Variants in TMEM263 observed in about 807,000 individuals in gnomAD.
The protein encoded by TMEM263 is transmembrane protein 263.
TMEM263 carries 5 observed loss-of-function variants against 8.6 expected under a neutral mutation model. That is an observed-to-expected ratio of 0.58 (90% CI 0.31 to 1.23). The LOEUF (loss-of-function observed/expected upper bound fraction) is 1.23. TMEM263 is among the 50% of genes most tolerant of loss of function. The pLI, the probability that TMEM263 is intolerant of heterozygous loss-of-function variation, is 0.07. For missense variants in TMEM263, 104 were observed against 138.8 expected (o/e 0.75, Z 1.26); for synonymous variants, 50 against 47.9 (o/e 1.04, Z -0.18).
rs1349541960 is a variant in TMEM263, at chr12:106,969,889, C to A, written c.65-1216C>A. Among the ~76,000 whole-genome samples, 7 of 148,006 alleles carry A rather than the reference C, an allele frequency of 4.7e-5. No individual in the cohort carries two copies. In the East Asian group the frequency reaches 9.8e-4, roughly 21 times the overall value. On this transcript the variant is annotated intron_variant, in intron 3 of 3. Coordinates refer to ENST00000280756, the MANE Select transcript of TMEM263 (RefSeq NM_152261.4). ...TGTGGCTCTATTTAAAAAAAAAAAA[C>A]AAAGAAAATAAACTCATGACTTAGA...
rs1405486373 is a variant in TMEM263, at chr12:106,973,864, A to G, written c.*2473A>G. On this transcript the variant is annotated 3_prime_UTR_variant, in exon 4 of 4. Transcript: ENST00000280756. ...TTGAATGGCTGATCTAATAATGTTG[A>G]CATTATGCATTCTGTACTTAGTGAA... 2.1e-4 allele frequency: 32 copies of G among 152,644 alleles called. No individual in the cohort carries two copies. Among genetic ancestry groups the G allele is most frequent in the Admixed American group, 2.1e-3 (32 of 15,278 alleles). 9.5% of individuals were successfully genotyped at this position (152,644 alleles called of 1,614,324 possible). A position where few individuals can be genotyped will look rare whatever the true frequency, so the allele number is the denominator to read the frequency against.
intron 3 of TMEM263, among the ~76,000 whole-genome samples, chr12:106,969,658 G>A (rs1459988978): frequency 2.6e-5 from 4 of 151,374 alleles, no homozygotes; most frequent in Admixed American, 1.3e-4. Context: ...CCCAGGAGGC[G>A]GAGCTTGCAG....
intron 2 of TMEM263, among the ~76,000 whole-genome samples, chr12:106,962,223 C>T (rs1305699166): frequency 6.6e-6 from 1 of 151,186 alleles, no homozygotes. Context: ...TCTAACCCCC[C>T]CCGCCCCCTG....
At position 106,972,714 on chromosome 12, in the gene TMEM263, TTTTCG is replaced by T. The variant is rs747709813; in HGVS notation, c.*1328_*1332del. 2 of 152,174 alleles carry T rather than the reference TTTTCG, an allele frequency of 1.3e-5. No individual in the cohort carries two copies. Among genetic ancestry groups the T allele is most frequent in the Admixed American group, 6.5e-5 (1 of 15,282 alleles). The allele number at this position is 152,174 out of a possible 1,614,324, so 9.4% of individuals were successfully genotyped here. A position where few individuals can be genotyped will look rare whatever the true frequency, so the allele number is the denominator to read the frequency against. On this transcript the variant is annotated 3_prime_UTR_variant, in exon 4 of 4. Transcript: ENST00000280756. ...TATGATTTAGCTGGAATTCATTTTCTTTTCGTTTCATGTTTAATTTCATAAAACGT... is the reference window on the plus strand; with the variant it reads ...TATGATTTAGCTGGAATTCATTTTCTTTTCATGTTTAATTTCATAAAACGT...
At chr12:106,958,402 A>T (rs1275028826) in intron 2 of TMEM263, among the ~76,000 whole-genome samples, 1 of 152,212 alleles carries the variant, frequency 6.6e-6, no homozygotes, top group Non-Finnish European at 1.5e-5. Flanking sequence ...GTGTTTGTTT[A>T]CTTATTTCTA....
In TMEM263 at chr12:106,964,986, C is replaced by T. The variant is rs369017862; in HGVS notation, c.-6-2125C>T. 8.5e-5 allele frequency among the ~76,000 whole-genome samples: 13 copies of T among 152,230 alleles called. No homozygotes were observed. In the East Asian group the frequency reaches 1.7e-3, roughly 20 times the overall value. On this transcript the variant is annotated intron_variant, in intron 2 of 3. Coordinates refer to ENST00000280756, the MANE Select transcript of TMEM263 (RefSeq NM_152261.4). ...CAGCCAGAATGATCTTTTAAAAGAT[C>T]ACCTTACTCTTTTGTCCAGTGCCTT... is the stretch of plus-strand genomic sequence containing the variant.
intron 2 of TMEM263, among the ~76,000 whole-genome samples, chr12:106,960,754 C>A (rs974032198): frequency 6.6e-6 from 1 of 152,062 alleles, no homozygotes; most frequent in Non-Finnish European, 1.5e-5. Flanking sequence ...AAGCACTTTT[C>A]ATTTCACTTT....
intron 2 of TMEM263, among the ~76,000 whole-genome samples, chr12:106,960,525 A>T (rs977513765): frequency 6.6e-6 from 1 of 152,140 alleles, no homozygotes; most frequent in Non-Finnish European, 1.5e-5. Flanking sequence ...GCAATTGAAT[A>T]TTTCTATATA....
intron 3 of TMEM263, among the ~76,000 whole-genome samples, chr12:106,969,838 TAA>T (rs142685687): frequency 0.019 from 2,870 of 151,878 alleles, 97 homozygotes; most frequent in African/African-American, 0.066. Flanking sequence ...ATTTTATTCC[TAA>T]GTTTGAGCTT....
At chr12:106,961,375 A>G (rs1184862540) in intron 2 of TMEM263, among the ~76,000 whole-genome samples, 1 of 151,320 alleles carries the variant, frequency 6.6e-6, no homozygotes, top group Admixed American at 6.6e-5. Context: ...TATTCTACTT[A>G]TCCCACAAAT....
intron 1 of TMEM263, among the ~76,000 whole-genome samples, chr12:106,956,347 C>T (rs1285906669): frequency 6.6e-6 from 1 of 152,084 alleles, no homozygotes; most frequent in Non-Finnish European, 1.5e-5. Flanking sequence ...TTCTTAGCAT[C>T]TGGGGGTTCG....
intron 2 of TMEM263, chr12:106,959,245 G>C (rs1478501617): frequency 6.6e-6 from 1 of 152,042 alleles, no homozygotes; most frequent in East Asian, 1.9e-4. Flanking sequence ...TGGTCATTTT[G>C]AATTTTTTCT....
Position 106,971,500 on chromosome 12 carries a change from T to A in TMEM263, c.*109T>A. The A allele has an allele frequency of 1.6e-5, 18 of 1,141,238 alleles. No individual in the cohort carries two copies. In the South Asian group the frequency reaches 3.0e-4, roughly 19 times the overall value. 70.7% of individuals were successfully genotyped at this position (1,141,238 alleles called of 1,614,324 possible). ...TGTTTTGGACGTTTATCTTCTAAACTGCTGTGTTGAAAGTATTGATGACTG... is the reference window on the plus strand; with the variant it reads ...TGTTTTGGACGTTTATCTTCTAAACAGCTGTGTTGAAAGTATTGATGACTG... On this transcript the variant is annotated 3_prime_UTR_variant, in exon 4 of 4. Coordinates refer to ENST00000280756, the MANE Select transcript of TMEM263 (RefSeq NM_152261.4).
intron 2 of TMEM263, among the ~76,000 whole-genome samples, chr12:106,963,212 A>G (rs751392357): frequency 1.6e-4 from 24 of 152,332 alleles, no homozygotes; most frequent in Non-Finnish European, 3.5e-4. Flanking sequence ...AGGCAAAGGT[A>G]TAAGGACTCT....
At chr12:106,956,093 G>A (rs571509525) in intron 1 of TMEM263, 28 bp downstream of exon 1, 3 of 969,066 alleles carry the variant, frequency 3.1e-6, no homozygotes, top group Non-Finnish European at 3.7e-6. Flanking sequence ...CGAGGGCAGG[G>A]GCGCAGTCCC....
chr12:106,961,536 T>G (rs1951778377), intron 2 of TMEM263, among the ~76,000 whole-genome samples: 1 of 152,114 alleles, frequency 6.6e-6, no homozygotes, highest in Admixed American at 6.5e-5. Flanking sequence ...GACACAACTG[T>G]GCAGGCCACA....
chr12:106,967,114 A>G lies in TMEM263; in HGVS notation c.-3A>G, dbSNP rs373934234. 5.7e-6 allele frequency: 9 copies of G among 1,582,370 alleles called. No homozygotes were observed. Among genetic ancestry groups the G allele is most frequent in the East Asian group, 2.3e-5 (1 of 44,418 alleles). ...TGTTTGTATGTTTTTTTTTTAGGAG[A>G]TCATGAATCAGACAGATAAAAATCA... On this transcript the variant is annotated 5_prime_UTR_variant, in exon 3 of 4. Transcript: ENST00000280756.
intron 3 of TMEM263, among the ~76,000 whole-genome samples, chr12:106,970,725 T>G (rs1347381540): frequency 6.6e-6 from 1 of 152,250 alleles, no homozygotes; most frequent in African/African-American, 2.4e-5. Context: ...GATTAAATCC[T>G]ATCAAGGAAA....
chr12:106,957,569 A>G (rs763843437), intron 2 of TMEM263, among the ~76,000 whole-genome samples: 3 of 152,200 alleles, frequency 2.0e-5, no homozygotes, highest in Non-Finnish European at 2.9e-5. Context: ...CATCTTGAGA[A>G]TAAGACCTTT....
Sources: allele counts gnomAD v4.1 joint callset (sites outside exome capture counted in the v4.1 genomes callset), GRCh38; gene constraint gnomAD v4.1.1; transcripts MANE v1.5; gene names NCBI Gene and HGNC (gene_info 2026-07-23, HGNC 2026-07-21).